Variants in CDC42BPA observed in about 807,000 individuals in gnomAD.
CDC42BPA encodes serine/threonine-protein kinase MRCK alpha.
CDC42BPA carries 80 observed loss-of-function variants against 223.5 expected under a neutral mutation model. That is an observed-to-expected ratio of 0.36 (90% CI 0.30 to 0.43). The LOEUF (loss-of-function observed/expected upper bound fraction) is 0.43, where lower values mean the gene tolerates loss of function less well. CDC42BPA is among the 20% of genes least tolerant of loss of function. The pLI is 1.00. For synonymous variants in CDC42BPA, 694 were observed against 718.6 expected (o/e 0.97, Z 0.55); for missense variants, 1,743 against 2,099.9 (o/e 0.83, Z 3.32).
At chr1:227,112,576 G>A (rs488104) in intron 13 of CDC42BPA, 95 bp downstream of exon 13, 662,212 of 1,047,324 alleles carry the variant, frequency 0.63, 210,373 homozygotes, top group East Asian at 0.76. Context: ...AATAACTTTA[G>A]AAATATTTTA....
At chr1:227,171,009 T>G (rs1666007396) in intron 5 of CDC42BPA, among the ~76,000 whole-genome samples, 3 of 152,308 alleles carry the variant, frequency 2.0e-5, no homozygotes, top group Middle Eastern at 3.4e-3. Context: ...TCTGAGTCAG[T>G]GACGTCTTGC....
chr1:227,260,084 AAATACCT>A (rs1683788990), intron 1 of CDC42BPA, among the ~76,000 whole-genome samples: 1 of 150,674 alleles, frequency 6.6e-6, no homozygotes, highest in Non-Finnish European at 1.5e-5. Context: ...CCTGAATATT[AAATACCT>A]AGTAAGTGGC....
intron 12 of CDC42BPA, among the ~76,000 whole-genome samples, chr1:227,116,870 G>T (rs1301426020): frequency 6.6e-6 from 1 of 152,098 alleles, no homozygotes; most frequent in African/African-American, 2.4e-5. Context: ...CTGGACCAAG[G>T]GGGCTTCCTT....
intron 34 of CDC42BPA, among the ~76,000 whole-genome samples, chr1:227,015,112 T>C (rs115233270): frequency 0.02 from 3,095 of 152,030 alleles, 116 homozygotes; most frequent in African/African-American, 0.071. Context: ...CACATTACCA[T>C]GACCAGCAAT....
rs80165899 is a variant in CDC42BPA, at chr1:227,140,237, A to T, written c.1224-495T>A. ...ACAAAACAGACAAAAATCCTTGCCC[A>T]TATAGAGCTTATATTCCAGTGACTG... On this transcript the variant is annotated intron_variant, in intron 9 of 36. Coordinates refer to ENST00000366766, the MANE Select transcript of CDC42BPA (RefSeq NM_001394014.1). 6.7e-3 allele frequency among the ~76,000 whole-genome samples: 1,021 copies of T among 152,292 alleles called. 20 individuals carry two copies. Among genetic ancestry groups the T allele is most frequent in the East Asian group, 0.065 (337 of 5,178 alleles).
chr1:227,029,309 T>C, intron 29 of CDC42BPA, 59 bp from the exon 30 acceptor site: 2 of 1,100,786 alleles, frequency 1.8e-6, no homozygotes, highest in East Asian at 5.2e-5. Flanking sequence ...CATATCCCAA[T>C]TATACTCAAA....
chr1:227,244,017 TA>T (rs78926711), intron 2 of CDC42BPA, among the ~76,000 whole-genome samples: 1,437 of 128,064 alleles, frequency 0.011, 10 homozygotes, highest in African/African-American at 0.026. Flanking sequence ...AAAACTAAAG[TA>T]AAAAAAAAAA....
intron 5 of CDC42BPA, among the ~76,000 whole-genome samples, chr1:227,187,689 C>CG (rs1485657420): frequency 3.6e-5 from 2 of 56,204 alleles, no homozygotes; most frequent in Non-Finnish European, 6.6e-5. Context: ...ACCCCCCCCC[C>CG]AAAAAAAAAA....
chr1:227,074,195 T>TATC, intron 18 of CDC42BPA, 64 bp downstream of exon 18: 1 of 1,379,460 alleles, frequency 7.2e-7, no homozygotes, highest in Non-Finnish European at 1.0e-6. Flanking sequence ...GGATTTATTA[T>TATC]AGTGTTTTTT....
intron 8 of CDC42BPA, among the ~76,000 whole-genome samples, chr1:227,144,130 G>C (rs1315738158): frequency 1.3e-5 from 2 of 152,026 alleles, no homozygotes; most frequent in Non-Finnish European, 2.9e-5. Flanking sequence ...CTGTTTCAGT[G>C]AAAAGTTATA....
At chr1:227,189,926 C>T (rs899007943) in intron 5 of CDC42BPA, among the ~76,000 whole-genome samples, 3 of 152,088 alleles carry the variant, frequency 2.0e-5, no homozygotes, top group African/African-American at 7.2e-5. Context: ...TTTCATAAAA[C>T]TCTAAGACAT....
At chr1:227,246,170 C>G (rs1203984793) in intron 2 of CDC42BPA, among the ~76,000 whole-genome samples, 1 of 152,198 alleles carries the variant, frequency 6.6e-6, no homozygotes, top group African/African-American at 2.4e-5. Flanking sequence ...CCTGGCAGAA[C>G]TGCTCATGGA....
At chr1:227,162,991 CA>C (rs1664276192) in intron 5 of CDC42BPA, among the ~76,000 whole-genome samples, 1 of 64,938 alleles carries the variant, frequency 1.5e-5, no homozygotes, top group Non-Finnish European at 3.8e-5. Flanking sequence ...AACATGTTTC[CA>C]AACATGTGTA....
At chr1:227,131,508 G>A (rs1299326904) in intron 10 of CDC42BPA, among the ~76,000 whole-genome samples, 1 of 152,172 alleles carries the variant, frequency 6.6e-6, no homozygotes, top group East Asian at 1.9e-4. Context: ...CTCTGGATAT[G>A]TGCAGATATG....
chr1:227,282,699 C>T (rs930515744), intron 1 of CDC42BPA, among the ~76,000 whole-genome samples: 1 of 152,158 alleles, frequency 6.6e-6, no homozygotes, highest in South Asian at 2.1e-4. Flanking sequence ...GTGGTTCTTA[C>T]ATTTATTCAA....
chr1:227,216,120 C>A (rs74140139), intron 2 of CDC42BPA, among the ~76,000 whole-genome samples: 3,054 of 136,652 alleles, frequency 0.022, 60 homozygotes, highest in African/African-American at 0.068. Context: ...TTTTCTCTCT[C>A]TATATATATA....
chr1:227,036,421 CTTTTTT>C (rs56254464), intron 24 of CDC42BPA, among the ~76,000 whole-genome samples: 6 of 71,158 alleles, frequency 8.4e-5, no homozygotes, highest in African/African-American at 2.8e-4. Context: ...CTTCAATTCA[CTTTTTT>C]TTTTTTTTTT....
chr1:227,317,132 C>A lies in CDC42BPA; in HGVS notation c.51G>T (p.Gly17=), dbSNP rs755475351. 1 of 1,614,054 alleles carries A rather than the reference C, an allele frequency of 6.2e-7. No individual in the cohort carries two copies. The highest frequency in any genetic ancestry group is 1.1e-5 in the South Asian group (1 of 91,052). The stretch of plus-strand genomic sequence containing the variant: ...AGCACTGCCCATTGGTCTGAGCGGG[C>A]CCGTCCAAAATAAACTGCTCCAACT... The part of the protein sequence containing the change: ...LRQLEQFILD[G]PAQTNGQCFS... Residue 17 remains glycine (G), a synonymous_variant, in exon 1 of 37, where the codon GGG becomes GGT. Coordinates refer to ENST00000366766, the MANE Select transcript of CDC42BPA (RefSeq NM_001394014.1).
At chr1:227,222,428 G>A (rs1019515277) in intron 2 of CDC42BPA, among the ~76,000 whole-genome samples, 1 of 152,110 alleles carries the variant, frequency 6.6e-6, no homozygotes, top group African/African-American at 2.4e-5. Context: ...GAACCCGGGA[G>A]GCTGAGGTTG....
Sources: gnomAD v4.1 joint callset for allele counts (sites outside exome capture counted in the v4.1 genomes callset) on GRCh38, gnomAD v4.1.1 for gene constraint, MANE v1.5 for transcripts, NCBI Gene and HGNC (gene_info 2026-07-23, HGNC 2026-07-21) for gene names.